The following LYN variants were observed in gnomAD, a reference collection of about 807,000 sequenced individuals.
The protein encoded by LYN is tyrosine-protein kinase Lyn.
A neutral mutation model predicts 65.0 loss-of-function variants in LYN; 12 were observed. The observed-to-expected ratio is 0.18, with a 90% CI of 0.12 to 0.30. The LOEUF (loss-of-function observed/expected upper bound fraction) is 0.30. Ranked by LOEUF, LYN falls within the 10% of genes least tolerant of loss-of-function variation. LYN has a pLI of 1.00. For synonymous variants in LYN, 222 were observed against 221.2 expected (o/e 1.00, Z -0.03); for missense variants, 380 against 623.2 (o/e 0.61, Z 4.16).
chr8:55,994,032 C>T (rs1276011787), intron 10 of LYN, among the ~76,000 whole-genome samples: 1 of 152,182 alleles, frequency 6.6e-6, no homozygotes, highest in Non-Finnish European at 1.5e-5. Context: ...AAAGTTGACA[C>T]TACATTCAAT....
At chr8:55,940,524 T>C (rs186251882) in intron 1 of LYN, among the ~76,000 whole-genome samples, 20 of 152,232 alleles carry the variant, frequency 1.3e-4, no homozygotes, top group Non-Finnish European at 2.1e-4. Context: ...TACAGGCGTG[T>C]GCCACCACGC....
At chr8:55,955,281 T>A (rs1807073458) in intron 8 of LYN, 2 of 152,246 alleles carry the variant, frequency 1.3e-5, no homozygotes, top group African/African-American at 4.8e-5. Context: ...CATTAATTAA[T>A]TCTTACTGCA....
chr8:55,949,928 C>T (rs891952824), intron 4 of LYN, among the ~76,000 whole-genome samples: 4 of 152,210 alleles, frequency 2.6e-5, no homozygotes, highest in South Asian at 2.1e-4. Context: ...CACCTCAACT[C>T]TCCCATTCTC....
intron 12 of LYN, among the ~76,000 whole-genome samples, chr8:56,004,358 A>C (rs1185658479): frequency 7.0e-6 from 1 of 143,798 alleles, no homozygotes; most frequent in Non-Finnish European, 1.5e-5. Context: ...CAGTGGTGTG[A>C]TATCGGCTCA....
At chr8:55,990,167 A>AGGT (rs2130568750) in intron 10 of LYN, among the ~76,000 whole-genome samples, 1 of 130,280 alleles carries the variant, frequency 7.7e-6, no homozygotes, top group East Asian at 2.4e-4. Flanking sequence ...TGAACCCAGG[A>AGGT]GGTGGAGGTT....
At chr8:55,981,815 A>G (rs867545525) in intron 10 of LYN, among the ~76,000 whole-genome samples, 1 of 152,386 alleles carries the variant, frequency 6.6e-6, no homozygotes. Flanking sequence ...AGGAAGTAGA[A>G]TACAAGTATC....
At chr8:55,990,169 G>A (rs1286095117) in intron 10 of LYN, among the ~76,000 whole-genome samples, 2 of 150,480 alleles carry the variant, frequency 1.3e-5, no homozygotes, top group Non-Finnish European at 3.0e-5. Context: ...AACCCAGGAG[G>A]TGGAGGTTGC....
chr8:55,994,414 A>G (rs1319056684), intron 10 of LYN, among the ~76,000 whole-genome samples: 1 of 152,200 alleles, frequency 6.6e-6, no homozygotes, highest in Non-Finnish European at 1.5e-5. Flanking sequence ...AAAATACACT[A>G]GGTTTGTTGC....
intron 1 of LYN, among the ~76,000 whole-genome samples, chr8:55,885,730 C>T (rs1363598238): frequency 6.6e-6 from 1 of 152,244 alleles, no homozygotes; most frequent in African/African-American, 2.4e-5. Flanking sequence ...AGGACCACTT[C>T]TGCTTTCCAG....
In LYN at chr8:56,010,573, A is replaced by C. The variant is rs947245623; in HGVS notation, c.*463A>C. On this transcript the variant is annotated 3_prime_UTR_variant, in exon 13 of 13. Coordinates refer to ENST00000519728, the MANE Select transcript of LYN (RefSeq NM_002350.4). ...TCTTTGTGCTTTGGCTTACTTGTTT[A>C]AAAAAAAAAAAAAACTAATCCAACC... is the stretch of plus-strand genomic sequence containing the variant. The C allele has an allele frequency of 6.3e-6, 1 of 158,504 alleles. No homozygotes were observed. The highest frequency in any genetic ancestry group is 1.2e-4 in the East Asian group (1 of 8,040). The allele number at this position is 158,504 out of a possible 1,614,324, so 9.8% of individuals were successfully genotyped here.
intron 1 of LYN, among the ~76,000 whole-genome samples, chr8:55,921,897 G>T (rs1805956835): frequency 6.6e-6 from 1 of 152,154 alleles, no homozygotes; most frequent in Non-Finnish European, 1.5e-5. Flanking sequence ...GCATTTACAA[G>T]TGCCGAACAA....
chr8:55,950,735 A>C lies in LYN; in HGVS notation c.438A>C (p.Pro146=), dbSNP rs143618927. The change falls in exon 6 of 13, where the codon CCA becomes CCC. Residue 146 remains proline, a synonymous_variant. Transcript: ENST00000519728. Reference sequence around the variant, plus strand: ...ACGCAGAAAGGCAGCTTTTGGCACCAGGAAATAGCGCTGGAGCTTTCCTTA... The same window carrying C: ...ACGCAGAAAGGCAGCTTTTGGCACCCGGAAATAGCGCTGGAGCTTTCCTTA... ...RKDAERQLLA[P]GNSAGAFLIR... 98 of 1,614,178 alleles carry C rather than the reference A, an allele frequency of 6.1e-5. No homozygotes were observed. In the African/African-American group the frequency reaches 1.2e-3, roughly 20 times the overall value.
At chr8:55,963,460 C>A (rs1475103979) in intron 8 of LYN, among the ~76,000 whole-genome samples, 3 of 152,186 alleles carry the variant, frequency 2.0e-5, no homozygotes, top group Non-Finnish European at 4.4e-5. Context: ...CCTTCATGGA[C>A]ACCTTGGATG....
chr8:55,909,152 T>C (rs1805528797), intron 1 of LYN, among the ~76,000 whole-genome samples: 1 of 151,830 alleles, frequency 6.6e-6, no homozygotes, highest in Admixed American at 6.6e-5. Flanking sequence ...CTCTGCTAAG[T>C]AGGAAACCCT....
At chr8:55,951,665 A>C (rs1353104082) in intron 6 of LYN, among the ~76,000 whole-genome samples, 1 of 119,286 alleles carries the variant, frequency 8.4e-6, no homozygotes, top group East Asian at 2.2e-4. Context: ...AACCTATTTC[A>C]AAAAAAAAAA....
intron 1 of LYN, among the ~76,000 whole-genome samples, chr8:55,939,785 G>GT (rs2130469683): frequency 6.6e-6 from 1 of 152,328 alleles, no homozygotes; most frequent in South Asian, 2.1e-4. Flanking sequence ...GTGACGGGGC[G>GT]TGGGAGGGAT....
rs956906634 is a variant in LYN at position 56,003,541 on chromosome 8, G to A, written c.1336+3992G>A. Among the ~76,000 whole-genome samples the A allele has an allele frequency of 4.6e-5, 7 of 152,062 alleles. No individual in the cohort carries two copies. The South Asian group carries it at 8.3e-4, about 18-fold the overall frequency. ...AAATTAGCCCGGCGTGGTGGCCAAC[G>A]CCTGTAATCCTAGCTACTTGAGAGG... is the stretch of plus-strand genomic sequence containing the variant. On this transcript the variant is annotated intron_variant, in intron 12 of 12. Transcript: ENST00000519728.
intron 4 of LYN, among the ~76,000 whole-genome samples, chr8:55,948,756 C>T (rs925945341): frequency 1.3e-5 from 2 of 152,178 alleles, no homozygotes; most frequent in Admixed American, 6.5e-5. Context: ...CCTGGCCCTG[C>T]CACTTGATAG....
rs1308102246 is a variant in LYN, at chr8:55,998,503, T to C, written c.1204+4T>C. The C allele has an allele frequency of 6.2e-7, 1 of 1,603,782 alleles. No homozygotes were observed. The highest frequency in any genetic ancestry group is 8.5e-7 in the Non-Finnish European group (1 of 1,171,276). Reference sequence around the variant, plus strand: ...AATGAGTACACAGCAAGGGAAGGTATGTTGCACTAATGATCTTTAGATGTT... The same window carrying C: ...AATGAGTACACAGCAAGGGAAGGTACGTTGCACTAATGATCTTTAGATGTT... On this transcript the variant is annotated splice_donor_region_variant and intron_variant, in intron 11 of 12. Transcript: ENST00000519728.
Sources: gnomAD v4.1 joint callset for allele counts (sites outside exome capture counted in the v4.1 genomes callset) on GRCh38, gnomAD v4.1.1 for gene constraint, MANE v1.5 for transcripts, NCBI Gene and HGNC (gene_info 2026-07-23, HGNC 2026-07-21) for gene names.